Variants in CSMD1 observed in about 807,000 individuals in gnomAD.
The protein encoded by CSMD1 is CUB and Sushi multiple domains 1, also known as CUB and sushi domain-containing protein 1.
In CSMD1, 213 loss-of-function variants were observed where a neutral mutation model predicts 417.5. That is an observed-to-expected ratio of 0.51 (90% CI 0.46 to 0.57). The LOEUF (loss-of-function observed/expected upper bound fraction) is 0.57, where lower values mean the gene tolerates loss of function less well. Among genes scored for constraint, CSMD1 ranks in the 20% least tolerant of loss-of-function variants. CSMD1 has a pLI of 0.00. For missense variants in CSMD1, 6,923 were observed against 4,529.7 expected (o/e 1.53, Z -15.17); for synonymous variants, 2,862 against 1,736.8 (o/e 1.65, Z -16.11).
intron 1 of CSMD1, among the ~76,000 whole-genome samples, chr8:4,783,868 C>T (rs1161172881): frequency 6.6e-6 from 1 of 152,184 alleles, no homozygotes; most frequent in African/African-American, 2.4e-5. Flanking sequence ...AAAGCAAATA[C>T]TTTATGTCGG....
At chr8:3,709,800 C>T (rs1322461493) in intron 6 of CSMD1, among the ~76,000 whole-genome samples, 1 of 145,896 alleles carries the variant, frequency 6.9e-6, no homozygotes, top group African/African-American at 2.6e-5. Context: ...TCGGTCTTGT[C>T]AGCTTCATAA....
intron 1 of CSMD1, among the ~76,000 whole-genome samples, chr8:4,854,389 C>T (rs1288274557): frequency 1.3e-5 from 2 of 152,030 alleles, no homozygotes; most frequent in Admixed American, 6.6e-5. Flanking sequence ...TGTTTAGAAG[C>T]GTGTGCCACT....
chr8:3,280,038 C>T (rs1482667335), intron 26 of CSMD1, among the ~76,000 whole-genome samples: 1 of 152,156 alleles, frequency 6.6e-6, no homozygotes, highest in Non-Finnish European at 1.5e-5. Flanking sequence ...TTGAGCAAAG[C>T]CGTCCGTGTT....
At chr8:4,922,018 G>C (rs1438377435) in intron 1 of CSMD1, among the ~76,000 whole-genome samples, 2 of 152,064 alleles carry the variant, frequency 1.3e-5, no homozygotes, top group Non-Finnish European at 2.9e-5. Context: ...CCTATGAAAA[G>C]CCTTTCAAGA....
At chr8:3,172,588 G>T (rs1181112891) in intron 37 of CSMD1, among the ~76,000 whole-genome samples, 1 of 152,172 alleles carries the variant, frequency 6.6e-6, no homozygotes. Context: ...AGAGGGCAGG[G>T]CGAGACATGT....
chr8:3,890,498 T>C (rs370223922), intron 5 of CSMD1, among the ~76,000 whole-genome samples: 232 of 151,338 alleles, frequency 1.5e-3, no homozygotes, highest in African/African-American at 5.5e-3. Flanking sequence ...AGGAAGGCAT[T>C]GAGGCACACT....
At chr8:4,094,705 G>A (rs897364692) in intron 3 of CSMD1, among the ~76,000 whole-genome samples, 2 of 152,170 alleles carry the variant, frequency 1.3e-5, no homozygotes, top group Non-Finnish European at 2.9e-5. Context: ...CCGGCTTCTA[G>A]AGAGACAGGG....
chr8:4,330,240 G>A (rs138912030), intron 3 of CSMD1, among the ~76,000 whole-genome samples: 442 of 152,016 alleles, frequency 2.9e-3, no homozygotes, highest in Non-Finnish European at 5.0e-3. Context: ...AGATCCACCC[G>A]TCAGATCCAG....
At chr8:4,073,067 T>A (rs1412603749) in intron 3 of CSMD1, among the ~76,000 whole-genome samples, 1 of 152,228 alleles carries the variant, frequency 6.6e-6, no homozygotes, top group African/African-American at 2.4e-5. Flanking sequence ...ATATTCATTC[T>A]GGTTTTCTCT....
At chr8:3,676,213 T>C (rs1461139679) in intron 7 of CSMD1, among the ~76,000 whole-genome samples, 2 of 152,344 alleles carry the variant, frequency 1.3e-5, no homozygotes, top group East Asian at 1.9e-4. Flanking sequence ...GCATTATGTG[T>C]TGAAGTAAAT....
Position 4,289,376 on chromosome 8 carries a change from A to G in CSMD1, c.415+130577T>C, listed in dbSNP as rs532949492. Among the ~76,000 whole-genome samples, 58 of 147,764 alleles carry G rather than the reference A, an allele frequency of 3.9e-4. 1 individual carries two copies. Among genetic ancestry groups the G allele is most frequent in the South Asian group, 2.0e-3 (9 of 4,480 alleles). On this transcript the variant is annotated intron_variant, in intron 3 of 69. Coordinates refer to ENST00000635120, the MANE Select transcript of CSMD1 (RefSeq NM_033225.6). ...CTTTTCTTATAGGTAAGATAGATTA[A>G]CATCGATCAATTAGTTAAAGTAGAG...
intron 8 of CSMD1, among the ~76,000 whole-genome samples, chr8:3,587,190 G>C (rs572351740): frequency 6.6e-6 from 1 of 152,212 alleles, no homozygotes; most frequent in Admixed American, 6.5e-5. Context: ...GGAGCTTTAC[G>C]GTTGTAAACA....
intron 5 of CSMD1, among the ~76,000 whole-genome samples, chr8:3,933,168 G>T (rs147668815): frequency 7.4e-6 from 1 of 135,496 alleles, no homozygotes; most frequent in Admixed American, 7.1e-5. Flanking sequence ...GTCCACCTCC[G>T]TGGTAATACC....
At chr8:4,201,531 C>G (rs904138400) in intron 3 of CSMD1, among the ~76,000 whole-genome samples, 1 of 89,218 alleles carries the variant, frequency 1.1e-5, no homozygotes, top group Non-Finnish European at 1.9e-5. Context: ...GATCCAGACT[C>G]TGTCTCCACA....
intron 2 of CSMD1, among the ~76,000 whole-genome samples, chr8:4,429,099 G>A (rs919847062): frequency 6.6e-6 from 1 of 151,678 alleles, no homozygotes; most frequent in African/African-American, 2.4e-5. Context: ...ATCATAAAAT[G>A]ATTACTACTG....
At chr8:4,984,086 A>T (rs1321760993) in intron 1 of CSMD1, among the ~76,000 whole-genome samples, 2 of 152,210 alleles carry the variant, frequency 1.3e-5, no homozygotes, top group Non-Finnish European at 2.9e-5. Flanking sequence ...AAGCATGTAC[A>T]GTACTTAAGA....
At chr8:4,848,851 T>A (rs896645808) in intron 1 of CSMD1, among the ~76,000 whole-genome samples, 5 of 152,224 alleles carry the variant, frequency 3.3e-5, no homozygotes, top group Non-Finnish European at 7.3e-5. Flanking sequence ...ACCCAGTACA[T>A]AATACTTAAT....
At chr8:4,080,803 A>T (rs1800090449) in intron 3 of CSMD1, among the ~76,000 whole-genome samples, 1 of 152,176 alleles carries the variant, frequency 6.6e-6, no homozygotes, top group Non-Finnish European at 1.5e-5. Context: ...TAAGTATTTG[A>T]TCAGATAGCT....
At chr8:3,317,236 C>T (rs564053040) in intron 23 of CSMD1, among the ~76,000 whole-genome samples, 1 of 152,282 alleles carries the variant, frequency 6.6e-6, no homozygotes, top group East Asian at 1.9e-4. Context: ...ATACATCTTT[C>T]ATTGATAACA....
Sources: allele counts gnomAD v4.1 joint callset (sites outside exome capture counted in the v4.1 genomes callset), GRCh38; gene constraint gnomAD v4.1.1; transcripts MANE v1.5; gene names NCBI Gene and HGNC (gene_info 2026-07-23, HGNC 2026-07-21).